Variants in ANK1 observed in about 807,000 individuals in gnomAD.
ANK1 encodes the protein ankyrin 1.
Under a neutral mutation model 210.4 loss-of-function variants are expected in ANK1, and 51 were observed. The ratio of observed to expected loss-of-function variants is 0.24; its 90% CI spans 0.19 to 0.31. The LOEUF is 0.31. Among genes scored for constraint, ANK1 ranks in the 10% least tolerant of loss-of-function variants. The pLI, the probability that ANK1 is intolerant of heterozygous loss-of-function variation, is 1.00. For synonymous variants in ANK1, 967 were observed against 1,025.9 expected (o/e 0.94, Z 1.10); for missense variants, 2,051 against 2,504.4 (o/e 0.82, Z 3.86).
intron 1 of ANK1, among the ~76,000 whole-genome samples, chr8:41,805,062 CTCTGTG>C (rs1218139034): frequency 2.3e-5 from 3 of 130,196 alleles, no homozygotes; most frequent in Non-Finnish European, 5.1e-5. Context: ...CTTTCTTTCT[CTCTGTG>C]TGTGTGTGTG....
chr8:41,750,462 C>T (rs1837437161), intron 2 of ANK1, among the ~76,000 whole-genome samples: 1 of 152,200 alleles, frequency 6.6e-6, no homozygotes, highest in Admixed American at 6.5e-5. Flanking sequence ...CACGATTGCA[C>T]AAGGCTTTTA....
At chr8:41,742,364 A>T (rs1303046582) in intron 2 of ANK1, among the ~76,000 whole-genome samples, 2 of 152,220 alleles carry the variant, frequency 1.3e-5, no homozygotes, top group Non-Finnish European at 2.9e-5. Flanking sequence ...CTGCAAGAAC[A>T]TCTCAAAAGT....
At chr8:41,884,566 G>A (rs773601583) in intron 1 of ANK1, among the ~76,000 whole-genome samples, 3 of 151,928 alleles carry the variant, frequency 2.0e-5, no homozygotes, top group Non-Finnish European at 2.9e-5. Flanking sequence ...CGAGCACCGC[G>A]GCTCGCATCT....
At chr8:41,699,143 G>C (rs1447037981) in intron 23 of ANK1, among the ~76,000 whole-genome samples, 1 of 152,140 alleles carries the variant, frequency 6.6e-6, no homozygotes, top group Non-Finnish European at 1.5e-5. Flanking sequence ...GGATAAGAGG[G>C]AGAGGGGGTG....
intron 1 of ANK1, among the ~76,000 whole-genome samples, chr8:41,833,588 G>A (rs769390978): frequency 2.0e-5 from 3 of 152,208 alleles, no homozygotes; most frequent in Non-Finnish European, 4.4e-5. Context: ...AGCCGAAGAT[G>A]GGAATGGTCA....
intron 39 of ANK1, chr8:41,664,777 C>G (rs1351714846): frequency 1.3e-6 from 2 of 1,579,152 alleles, no homozygotes. Flanking sequence ...ACACCACCAG[C>G]CCTGCCGGCC....
At position 41,815,485 on chromosome 8, in the gene ANK1, C is replaced by T. The variant is rs1412128089; in HGVS notation, c.127-57348G>A. On this transcript the variant is annotated intron_variant, in intron 1 of 42. Transcript: ENST00000265709. Reference sequence around the variant, plus strand: ...TTGACCCTATAGGATCCCTCTTGCTCTCTTTCTTCCCAACTTCATGTCCAT... The same window carrying T: ...TTGACCCTATAGGATCCCTCTTGCTTTCTTTCTTCCCAACTTCATGTCCAT... 2.0e-5 allele frequency among the ~76,000 whole-genome samples: 3 copies of T among 152,066 alleles called. No homozygotes were observed. In the East Asian group the frequency reaches 5.8e-4, roughly 29 times the overall value.
At chr8:41,892,761 T>C (rs1363261576) in intron 1 of ANK1, among the ~76,000 whole-genome samples, 1 of 152,116 alleles carries the variant, frequency 6.6e-6, no homozygotes, top group East Asian at 1.9e-4. Flanking sequence ...CAAGACAACA[T>C]CTGGGCAAGC....
chr8:41,661,943 T>C lies in ANK1; in HGVS notation c.5479-2A>G, dbSNP rs1563332048. ...CTGTCGAACCACCTTGCGAATGATC[T>C]AGGAAAGGAAGGGAAGGAGGAAAGG... On this transcript the variant is annotated splice_acceptor_variant, in intron 40 of 42. Transcript: ENST00000289734. LOFTEE classifies it high-confidence loss of function. The C allele has an allele frequency of 3.1e-6, 5 of 1,613,492 alleles. No individual in the cohort carries two copies. The highest frequency in any genetic ancestry group is 3.3e-5 in the Admixed American group (2 of 59,980).
At chr8:41,870,523 G>C (rs926131380) in intron 1 of ANK1, among the ~76,000 whole-genome samples, 1 of 152,164 alleles carries the variant, frequency 6.6e-6, no homozygotes, top group African/African-American at 2.4e-5. Flanking sequence ...ACAATATCAA[G>C]GGGACTCTCT....
At chr8:41,742,129 T>C (rs1025822166) in intron 2 of ANK1, among the ~76,000 whole-genome samples, 7 of 152,246 alleles carry the variant, frequency 4.6e-5, no homozygotes, top group African/African-American at 1.4e-4. Context: ...ATTAATTCAA[T>C]GTGGAGTATT....
At position 41,661,031 on chromosome 8, in the gene ANK1, T is replaced by C. The variant is rs1344200654; in HGVS notation, c.*36+399A>G. 1.1e-5 allele frequency: 3 copies of C among 280,614 alleles called. No individual in the cohort carries two copies. In the South Asian group the frequency reaches 1.1e-4, roughly 10 times the overall value. The allele number at this position is 280,614 out of a possible 1,614,324, so 17.4% of individuals were successfully genotyped here. ...TTTTACTTTTCAAAGAGCATTTTTTTCTTTCTGGCTTTTTTTTTTCTTTTT... is the reference window on the plus strand; with the variant it reads ...TTTTACTTTTCAAAGAGCATTTTTTCCTTTCTGGCTTTTTTTTTTCTTTTT... On this transcript the variant is annotated intron_variant, in intron 42 of 42. Coordinates refer to ENST00000289734, the MANE Select transcript of ANK1 (RefSeq NM_000037.4).
chr8:41,784,913 A>G (rs1460321168), intron 1 of ANK1, among the ~76,000 whole-genome samples: 1 of 152,238 alleles, frequency 6.6e-6, no homozygotes, highest in Non-Finnish European at 1.5e-5. Context: ...TTTCCAAAAG[A>G]TGGGCCTTCC....
In ANK1 at chr8:41,775,108, C is replaced by T. The variant is rs555832020; in HGVS notation, c.28-16971G>A. 1.2e-3 allele frequency among the ~76,000 whole-genome samples: 187 copies of T among 152,094 alleles called. 1 individual carries two copies. Among genetic ancestry groups the T allele is most frequent in the African/African-American group, 4.4e-3 (184 of 41,490 alleles). On this transcript the variant is annotated intron_variant, in intron 1 of 42. Coordinates refer to ENST00000289734, the MANE Select transcript of ANK1 (RefSeq NM_000037.4). Reference sequence around the variant, plus strand: ...ACAGGCTTAAGTACTGGCAGTGAACCCCATGGCTCCAGAGTTTCTGAAGGA... The same window carrying T: ...ACAGGCTTAAGTACTGGCAGTGAACTCCATGGCTCCAGAGTTTCTGAAGGA...
intron 1 of ANK1, among the ~76,000 whole-genome samples, chr8:41,767,337 C>T (rs1285725817): frequency 1.3e-5 from 2 of 151,558 alleles, no homozygotes; most frequent in Admixed American, 1.3e-4. Flanking sequence ...AGCTCGTGCA[C>T]TCACCGCAGG....
chr8:41,894,593 A>G (rs1193674478), intron 1 of ANK1, among the ~76,000 whole-genome samples: 4 of 152,162 alleles, frequency 2.6e-5, no homozygotes. Flanking sequence ...AAAAAATGAT[A>G]TATGGTGTCG....
chr8:41,881,003 T>A (rs1456626463), intron 1 of ANK1, among the ~76,000 whole-genome samples: 2 of 152,244 alleles, frequency 1.3e-5, no homozygotes, highest in Non-Finnish European at 2.9e-5. Context: ...CCATTGCTCA[T>A]AAGGGCTGGG....
intron 2 of ANK1, among the ~76,000 whole-genome samples, chr8:41,743,900 G>C (rs1020104909): frequency 3.3e-5 from 5 of 152,164 alleles, no homozygotes; most frequent in Non-Finnish European, 7.3e-5. Flanking sequence ...ACAACCCGGA[G>C]CAATGGGCTC....
chr8:41,785,845 C>T (rs1359454643), intron 1 of ANK1, among the ~76,000 whole-genome samples: 4 of 152,200 alleles, frequency 2.6e-5, no homozygotes, highest in Non-Finnish European at 4.4e-5. Flanking sequence ...AACACCCTGG[C>T]GGAGCCTTGC....
Sources: gnomAD v4.1 joint callset for allele counts (sites outside exome capture counted in the v4.1 genomes callset) on GRCh38, gnomAD v4.1.1 for gene constraint, MANE v1.5 for transcripts, NCBI Gene and HGNC (gene_info 2026-07-23, HGNC 2026-07-21) for gene names.